The following SRGAP3 variants were observed in gnomAD, a reference collection of about 807,000 sequenced individuals.
SRGAP3 encodes the protein SLIT-ROBO Rho GTPase activating protein 3.
SRGAP3 carries 39 observed loss-of-function variants against 121.1 expected under a neutral mutation model. That is an observed-to-expected ratio of 0.32 (90% CI 0.25 to 0.42). The LOEUF is 0.42. SRGAP3 is among the 10% of genes least tolerant of loss of function. The pLI is 1.00. For missense variants in SRGAP3, 1,213 were observed against 1,470.6 expected (o/e 0.82, Z 2.86); for synonymous variants, 601 against 570.0 (o/e 1.05, Z -0.77).
intron 3 of SRGAP3, among the ~76,000 whole-genome samples, chr3:9,291,661 T>C (rs1483692230): frequency 1.3e-5 from 2 of 152,004 alleles, no homozygotes; most frequent in East Asian, 3.8e-4. Flanking sequence ...GTCTTAAATA[T>C]ATTTCACAAA....
rs547304048 is a variant in SRGAP3, at chr3:9,095,049, G to A, written c.423+9631C>T. Among the ~76,000 whole-genome samples the A allele has an allele frequency of 1.0e-3, 159 of 151,908 alleles. 4 individuals are homozygous for A. In the South Asian group the frequency reaches 0.031, roughly 30 times the overall value. On this transcript the variant is annotated intron_variant, in intron 3 of 21. Transcript: ENST00000383836. ...AGTGCTGAGATTACAGGTGTGAGCC[G>A]CACCTGTAATCCCAGACCATATCCG...
At chr3:9,070,808 A>G (rs2125233033) in intron 4 of SRGAP3, among the ~76,000 whole-genome samples, 1 of 152,336 alleles carries the variant, frequency 6.6e-6, no homozygotes, top group Middle Eastern at 3.4e-3. Flanking sequence ...GCCAGGTACT[A>G]TGCTAGGCAA....
intron 1 of SRGAP3, among the ~76,000 whole-genome samples, chr3:9,136,432 G>A (rs899845769): frequency 2.3e-5 from 2 of 85,468 alleles, no homozygotes; most frequent in Non-Finnish European, 4.7e-5. Flanking sequence ...CGCCCCGCGC[G>A]CCACGTGCAG....
intron 3 of SRGAP3, among the ~76,000 whole-genome samples, chr3:9,260,728 C>T (rs1954237244): frequency 1.3e-5 from 2 of 152,228 alleles, no homozygotes; most frequent in South Asian, 2.1e-4. Context: ...GCAGCTTCAA[C>T]AGACTTAAAC....
At chr3:9,032,897 A>G (rs901261173) in intron 11 of SRGAP3, 145 bp from the exon 12 acceptor site, 7 of 739,336 alleles carry the variant, frequency 9.5e-6, no homozygotes, top group Admixed American at 4.8e-5. Flanking sequence ...TTGGTTTCCA[A>G]TGTTCCATCT....
chr3:9,212,357 G>A (rs1190294550), intron 1 of SRGAP3, among the ~76,000 whole-genome samples: 1 of 152,200 alleles, frequency 6.6e-6, no homozygotes, highest in Non-Finnish European at 1.5e-5. Flanking sequence ...AATAGCTAAT[G>A]TCTCAAAGAA....
intron 20 of SRGAP3, 114 bp downstream of exon 20, chr3:8,992,792 G>A: frequency 6.3e-7 from 1 of 1,587,606 alleles, no homozygotes; most frequent in Admixed American, 1.7e-5. Context: ...TCATTTTGTG[G>A]GGAACAAGGG....
chr3:9,152,321 G>A (rs901230749), intron 1 of SRGAP3, among the ~76,000 whole-genome samples: 1 of 152,238 alleles, frequency 6.6e-6, no homozygotes, highest in Non-Finnish European at 1.5e-5. Flanking sequence ...ACCAGGAATG[G>A]ATAGTGATCC....
intron 6 of SRGAP3, chr3:9,059,686 C>A: frequency 4.8e-6 from 1 of 207,144 alleles, no homozygotes; most frequent in Non-Finnish European, 9.9e-6. Context: ...AGCGGGTACT[C>A]GGGAGTCAGT....
At position 8,990,835 on chromosome 3, in the gene SRGAP3, G is replaced by A. The variant is rs745870352; in HGVS notation, c.2563C>T (p.Arg855Trp). The A allele has an allele frequency of 2.2e-5, 34 of 1,536,672 alleles. No individual in the cohort carries two copies. In the Admixed American group the frequency reaches 3.6e-4, roughly 16 times the overall value. Residue 855 changes from arginine (R) to tryptophan (W), a missense_variant, in exon 21 of 22, where the codon CGG becomes TGG. By Grantham distance (101) the Arg-to-Trp change is moderately radical. Coordinates refer to ENST00000383836, the MANE Select transcript of SRGAP3 (RefSeq NM_014850.4). ...YGFGGVMGRV[R>W]LRSDGAAIPR... Reference sequence around the variant, plus strand: ...ATGGCTGCTCCATCAGATCGTAACCGCACTCTGCAAAGGAGCCAGGGGGCG... The same window carrying A: ...ATGGCTGCTCCATCAGATCGTAACCACACTCTGCAAAGGAGCCAGGGGGCG...
At chr3:9,071,192 C>T (rs1543143) in intron 4 of SRGAP3, among the ~76,000 whole-genome samples, 26,205 of 152,050 alleles carry the variant, frequency 0.17, 2,640 homozygotes, top group Admixed American at 0.27. Context: ...CTCATTCTCC[C>T]CAAGGGACTC....
At position 9,106,599 on chromosome 3, in the gene SRGAP3, C is replaced by T. The variant is rs140859762; in HGVS notation, c.261-1757G>A. On this transcript the variant is annotated intron_variant, in intron 2 of 21. Transcript: ENST00000383836. The stretch of plus-strand genomic sequence containing the variant: ...AATGGTCTTGGGGGCCAGTCTTTCC[C>T]GTGCTATTCTCGTGATAGTGAATAC... Among the ~76,000 whole-genome samples, 292 of 152,240 alleles carry T rather than the reference C, an allele frequency of 1.9e-3. 1 individual carries two copies. Among genetic ancestry groups the T allele is most frequent in the African/African-American group, 5.5e-3 (230 of 41,552 alleles).
At chr3:9,278,135 T>C (rs189762505) in intron 3 of SRGAP3, among the ~76,000 whole-genome samples, 239 of 152,340 alleles carry the variant, frequency 1.6e-3, no homozygotes, top group African/African-American at 5.6e-3. Flanking sequence ...GGTATTTTCT[T>C]ATAGCAGTCT....
chr3:9,047,790 C>G (rs906836521), intron 9 of SRGAP3, among the ~76,000 whole-genome samples: 3 of 152,166 alleles, frequency 2.0e-5, no homozygotes, highest in African/African-American at 7.2e-5. Flanking sequence ...CACGGGGAGA[C>G]AAAGCAAAGG....
chr3:9,343,408 A>G (rs1433809577), intron 1 of SRGAP3, among the ~76,000 whole-genome samples: 2 of 152,120 alleles, frequency 1.3e-5, no homozygotes, highest in Non-Finnish European at 2.9e-5. Flanking sequence ...TTCCCGAACT[A>G]CTACAACAAT....
chr3:9,071,543 G>A (rs1470615934), intron 4 of SRGAP3, among the ~76,000 whole-genome samples: 3 of 152,076 alleles, frequency 2.0e-5, no homozygotes, highest in African/African-American at 7.2e-5. Flanking sequence ...GCAGTGCTAG[G>A]GACCATTTTT....
At chr3:9,346,118 T>C (rs1020750573) in intron 1 of SRGAP3, among the ~76,000 whole-genome samples, 1 of 152,202 alleles carries the variant, frequency 6.6e-6, no homozygotes, top group Non-Finnish European at 1.5e-5. Context: ...CACAGAAAGT[T>C]TGGCAATGAT....
chr3:9,292,584 A>G (rs1475900324), intron 3 of SRGAP3: 3 of 152,208 alleles, frequency 2.0e-5, no homozygotes, highest in Non-Finnish European at 2.9e-5. Context: ...TTTATCAAGT[A>G]ATAATTAATT....
At chr3:9,038,782 T>C (rs1217791149) in intron 10 of SRGAP3, among the ~76,000 whole-genome samples, 1 of 152,210 alleles carries the variant, frequency 6.6e-6, no homozygotes, top group Non-Finnish European at 1.5e-5. Context: ...CCCTCTGTCC[T>C]TCTGGGGGCC....
Sources: allele counts gnomAD v4.1 joint callset (sites outside exome capture counted in the v4.1 genomes callset), GRCh38; gene constraint gnomAD v4.1.1; transcripts MANE v1.5; gene names NCBI Gene and HGNC (gene_info 2026-07-23, HGNC 2026-07-21).